Variants in SLC14A2 observed in about 807,000 individuals in gnomAD.
SLC14A2 encodes urea transporter 2.
SLC14A2 carries 91 observed loss-of-function variants against 104.6 expected under a neutral mutation model. That is an observed-to-expected ratio of 0.87 (90% confidence interval 0.73 to 1.04). The LOEUF is 1.04. Ranked by LOEUF, SLC14A2 falls within the 50% of genes least tolerant of loss-of-function variation. The pLI, the probability that SLC14A2 is intolerant of heterozygous loss-of-function variation, is 0.00. For synonymous variants in SLC14A2, 476 were observed against 466.4 expected, an observed-to-expected ratio of 1.02 and a Z score of -0.27; for missense variants, 1,189 against 1,156.0, an observed-to-expected ratio of 1.03 and a Z score of -0.41.
At chr18:45,322,478 G>T (rs186238668) in intron 1 of SLC14A2, among the ~76,000 whole-genome samples, 2 of 152,136 alleles carry the variant, frequency 1.3e-5, no homozygotes, top group African/African-American at 4.8e-5. Flanking sequence ...CTTACATAAC[G>T]TTCTGACATG....
rs374344616 is a variant in SLC14A2, at chr18:45,362,983, G to A, written c.-124-120250G>A. On this transcript the variant is annotated intron_variant, in intron 1 of 20. Coordinates refer to the SLC14A2 transcript ENST00000586448. ...CCAGCTTGACAACCTCCAGCATAAC[G>A]AAATCCACCAGGGCCTGGCACTTTT... Among the ~76,000 whole-genome samples, 21 of 152,178 alleles carry A rather than the reference G, an allele frequency of 1.4e-4. No individual in the cohort carries two copies. The East Asian group carries it at 1.9e-3, about 14-fold the overall frequency.
At chr18:45,215,100 A>T (rs2083998305) in intron 1 of SLC14A2, among the ~76,000 whole-genome samples, 1 of 152,196 alleles carries the variant, frequency 6.6e-6, no homozygotes, top group Non-Finnish European at 1.5e-5. Flanking sequence ...TTAAAAGATG[A>T]GAAGACTCTC....
rs140777448 is a variant in SLC14A2 at position 45,528,875 on chromosome 18, A to C, written c.-35+45553A>C. On this transcript the variant is annotated intron_variant, in intron 2 of 20. Coordinates refer to the SLC14A2 transcript ENST00000586448. ...CTGGCCTCATGACTTTGTTTGACCA[A>C]TAAACTATGTATGGTAAACATGGCA... 5.9e-5 allele frequency: 9 copies of C among 152,362 alleles called. No individual in the cohort carries two copies. In the East Asian group the frequency reaches 1.7e-3, roughly 29 times the overall value. The allele number at this position is 152,362 out of a possible 1,614,324, so 9.4% of individuals were successfully genotyped here.
intron 1 of SLC14A2, among the ~76,000 whole-genome samples, chr18:45,330,225 C>T (rs2085275407): frequency 6.6e-6 from 1 of 152,122 alleles, no homozygotes; most frequent in Non-Finnish European, 1.5e-5. Context: ...GCTAGTGAGA[C>T]CAGAGCCATG....
intron 10 of SLC14A2, among the ~76,000 whole-genome samples, chr18:45,662,429 C>T (rs1359486217): frequency 6.6e-6 from 1 of 152,126 alleles, no homozygotes; most frequent in Non-Finnish European, 1.5e-5. Flanking sequence ...TGTGATCTAC[C>T]CCAGTGCTTT....
chr18:45,471,539 A>G (rs1166727793), intron 1 of SLC14A2, among the ~76,000 whole-genome samples: 1 of 152,144 alleles, frequency 6.6e-6, no homozygotes, highest in Non-Finnish European at 1.5e-5. Flanking sequence ...ACATTTATGC[A>G]TAAGCATAGA....
At chr18:45,268,222 T>A (rs1322766901) in intron 1 of SLC14A2, among the ~76,000 whole-genome samples, 1 of 152,222 alleles carries the variant, frequency 6.6e-6, no homozygotes, top group Non-Finnish European at 1.5e-5. Flanking sequence ...AAATATGTGT[T>A]GATAAACTAT....
chr18:45,414,456 G>T (rs1048140212), intron 1 of SLC14A2, among the ~76,000 whole-genome samples: 2 of 152,016 alleles, frequency 1.3e-5, no homozygotes, highest in African/African-American at 4.8e-5. Context: ...AGGGAGAAAA[G>T]TCCTTCTTCC....
chr18:45,664,048 C>T (rs928652581), intron 11 of SLC14A2, 141 bp downstream of exon 11: 2 of 841,570 alleles, frequency 2.4e-6, no homozygotes, highest in Non-Finnish European at 3.5e-6. Context: ...GACGTCTGAC[C>T]AAGGCCACAG....
chr18:45,435,003 G>C (rs904805817), intron 1 of SLC14A2, among the ~76,000 whole-genome samples: 2 of 152,140 alleles, frequency 1.3e-5, no homozygotes, highest in Admixed American at 1.3e-4. Context: ...ATATGGTAAT[G>C]TAATTATGCT....
chr18:45,553,582 A>G (rs760363031), intron 2 of SLC14A2, among the ~76,000 whole-genome samples: 4 of 152,292 alleles, frequency 2.6e-5, no homozygotes, highest in Non-Finnish European at 2.9e-5. Context: ...GTCAACTTTC[A>G]TTAGATTCTC....
chr18:45,331,338 A>C (rs1261634144), intron 1 of SLC14A2, among the ~76,000 whole-genome samples: 1 of 152,224 alleles, frequency 6.6e-6, no homozygotes, highest in Non-Finnish European at 1.5e-5. Flanking sequence ...TCCCTCAGCA[A>C]GTTTCTAAAG....
chr18:45,573,774 T>C (rs1234174400), intron 2 of SLC14A2, among the ~76,000 whole-genome samples: 1 of 152,240 alleles, frequency 6.6e-6, no homozygotes, highest in East Asian at 1.9e-4. Context: ...CTAAATTCTG[T>C]AGGCCAATGA....
chr18:45,642,198 G>C (rs1040247584), intron 8 of SLC14A2, among the ~76,000 whole-genome samples: 1 of 152,210 alleles, frequency 6.6e-6, no homozygotes, highest in African/African-American at 2.4e-5. Flanking sequence ...CAGAAGACTA[G>C]CGTCTGGAAC....
chr18:45,523,669 C>A (rs1025073127), intron 2 of SLC14A2, among the ~76,000 whole-genome samples: 2 of 152,030 alleles, frequency 1.3e-5, no homozygotes, highest in Non-Finnish European at 2.9e-5. Flanking sequence ...CGAAATCTCC[C>A]CTGTCTTTGG....
At chr18:45,428,763 C>T (rs1354948759) in intron 1 of SLC14A2, among the ~76,000 whole-genome samples, 1 of 152,204 alleles carries the variant, frequency 6.6e-6, no homozygotes, top group Non-Finnish European at 1.5e-5. Flanking sequence ...GCCTGTCCCA[C>T]TTACTACCCA....
At chr18:45,445,028 A>G (rs1192652975) in intron 1 of SLC14A2, among the ~76,000 whole-genome samples, 3 of 152,162 alleles carry the variant, frequency 2.0e-5, no homozygotes, top group Non-Finnish European at 4.4e-5. Context: ...AAGGAATGCA[A>G]AACAAATGGA....
At chr18:45,427,011 G>T (rs964726796) in intron 1 of SLC14A2, among the ~76,000 whole-genome samples, 1 of 152,048 alleles carries the variant, frequency 6.6e-6, no homozygotes, top group Non-Finnish European at 1.5e-5. Context: ...CATAGAGTTG[G>T]GGAAATATTT....
intron 5 of SLC14A2, among the ~76,000 whole-genome samples, chr18:45,633,559 G>C (rs1469369124): frequency 1.3e-5 from 2 of 152,182 alleles, no homozygotes; most frequent in Non-Finnish European, 2.9e-5. Context: ...CAAGCATCTT[G>C]GGGTCTCTGC....
Sources: gnomAD v4.1 joint callset for allele counts (sites outside exome capture counted in the v4.1 genomes callset) on GRCh38, gnomAD v4.1.1 for gene constraint, MANE v1.5 for transcripts, NCBI Gene and HGNC (gene_info 2026-07-23, HGNC 2026-07-21) for gene names.